The following PLAC9 variants were observed in gnomAD, a reference collection of about 807,000 sequenced individuals.
PLAC9 encodes placenta-specific protein 9.
Under a neutral mutation model 11.5 loss-of-function variants are expected in PLAC9, and 12 were observed. The ratio of observed to expected loss-of-function variants is 1.05; its 90% confidence interval spans 0.67 to 1.69. The LOEUF (loss-of-function observed/expected upper bound fraction) is 1.69, where lower values mean the gene tolerates loss of function less well. Among genes scored for constraint, PLAC9 ranks in the 40% most tolerant of loss-of-function variants. The probability of loss-of-function intolerance (pLI) is 0.00; values close to 1 mark genes in which losing one functional copy is unlikely to be tolerated. For synonymous variants in PLAC9, 62 were observed against 58.1 expected, an observed-to-expected ratio of 1.07 and a Z score of -0.31; for missense variants, 132 against 130.5, an observed-to-expected ratio of 1.01 and a Z score of -0.06.
At chr10:80,136,133 T>G (rs1299137411) in intron 1 of PLAC9, among the ~76,000 whole-genome samples, 1 of 152,164 alleles carries the variant, frequency 6.6e-6, no homozygotes, top group Non-Finnish European at 1.5e-5. Flanking sequence ...TCTCTTTAAC[T>G]GGGGCAGCCA....
intron 1 of PLAC9, among the ~76,000 whole-genome samples, chr10:80,133,993 G>T (rs1162851346): frequency 1.3e-5 from 2 of 150,398 alleles, no homozygotes; most frequent in Admixed American, 1.3e-4. Flanking sequence ...TCATGTATTA[G>T]TGTAATTTCA....
chr10:80,132,016 G>GTCCC (rs1247195610), upstream of PLAC9, among the ~76,000 whole-genome samples: 2 of 152,228 alleles, frequency 1.3e-5, no homozygotes, highest in Non-Finnish European at 2.9e-5. Context: ...GGATGGGCAT[G>GTCCC]TCCCATAGGG....
intron 1 of PLAC9, among the ~76,000 whole-genome samples, chr10:80,136,248 C>G (rs1189616800): frequency 6.6e-6 from 1 of 152,134 alleles, no homozygotes; most frequent in Non-Finnish European, 1.5e-5. Flanking sequence ...ACATCAGGCC[C>G]CTAGCAGGAG....
intron 1 of PLAC9, 61 bp downstream of exon 1, chr10:80,132,887 G>T (rs1189831510): frequency 7.3e-7 from 1 of 1,376,074 alleles, no homozygotes; most frequent in Non-Finnish European, 9.6e-7. Context: ...AGATGGCGAG[G>T]AAGGAATGAG....
At chr10:80,144,460 C>G in intron 3 of PLAC9, 117 bp downstream of exon 3, 1 of 1,340,546 alleles carries the variant, frequency 7.5e-7, no homozygotes, top group Non-Finnish European at 9.9e-7. Flanking sequence ...AGGGAGGGCC[C>G]CAGCGCTCCC....
chr10:80,144,259 G>A lies in PLAC9; in HGVS notation c.199G>A (p.Val67Met), dbSNP rs772888142. Reference sequence around the variant, plus strand: ...GACCGTGGATCACCTGGGGACAGAGGTGAAAGGCCTGCTGGGCCTGCTGGA... The same window carrying A: ...GACCGTGGATCACCTGGGGACAGAGATGAAAGGCCTGCTGGGCCTGCTGGA... ...EKTVDHLGTEVKGLLGLLEEL... is the reference protein window; with the variant it reads ...EKTVDHLGTEMKGLLGLLEEL... Residue 67 changes from valine (V) to methionine (M), a missense_variant, in exon 3 of 4, where the codon GTG (valine) becomes ATG (methionine). Coordinates refer to ENST00000372263, the MANE Select transcript of PLAC9 (RefSeq NM_001012973.3). The A allele has an allele frequency of 1.9e-6, 3 of 1,614,114 alleles. No individual in the cohort carries two copies. In the South Asian group the frequency reaches 3.3e-5, roughly 18 times the overall value.
intron 1 of PLAC9, among the ~76,000 whole-genome samples, chr10:80,136,615 G>A (rs773250213): frequency 6.6e-6 from 1 of 152,006 alleles, no homozygotes; most frequent in Non-Finnish European, 1.5e-5. Flanking sequence ...GAGACTACAA[G>A]TATATACCAC....
chr10:80,135,603 T>G (rs552586631), intron 1 of PLAC9, among the ~76,000 whole-genome samples: 3 of 152,114 alleles, frequency 2.0e-5, no homozygotes. Context: ...CCTCCCAAAG[T>G]GCTGGGATTA....
intron 2 of PLAC9, 120 bp from the exon 3 acceptor site, chr10:80,144,103 A>G: frequency 4.2e-6 from 6 of 1,422,834 alleles, no homozygotes; most frequent in Non-Finnish European, 5.9e-6. Flanking sequence ...CAGGTCACTT[A>G]GCGCCCAGTC....
intron 3 of PLAC9, 115 bp from the exon 4 acceptor site, chr10:80,144,785 G>A (rs758534666): frequency 3.2e-5 from 34 of 1,071,580 alleles, no homozygotes; most frequent in African/African-American, 2.9e-4. Context: ...CTTGTGTCCC[G>A]CGCGCAGTAG....
chr10:80,135,970 T>C (rs1589403304), intron 1 of PLAC9, among the ~76,000 whole-genome samples: 1 of 152,204 alleles, frequency 6.6e-6, no homozygotes, highest in African/African-American at 2.4e-5. Flanking sequence ...CAGATGCCAC[T>C]GAGAAAACAT....
Position 80,132,812 on chromosome 10 carries a change from C to A in PLAC9, c.50C>A (p.Ala17Glu). The change falls in exon 1 of 4, where the codon GCG becomes GAG. Residue 17 changes from alanine to glutamate, a missense_variant. Coordinates refer to ENST00000372263, the MANE Select transcript of PLAC9 (RefSeq NM_001012973.3). The part of the protein sequence containing the change: ...ALTGLALLRA[A>E]GSLAAAEPFS... ...ACCGGACTGGCCCTGCTCCGCGCCGCGGGCTCTTTGGCCGGTGAGTGGGGC... is the reference window on the plus strand; with the variant it reads ...ACCGGACTGGCCCTGCTCCGCGCCGAGGGCTCTTTGGCCGGTGAGTGGGGC... 6.7e-7 allele frequency: 1 copy of A among 1,497,212 alleles called. No individual in the cohort carries two copies. The highest frequency in any genetic ancestry group is 2.2e-5 in the Admixed American group (1 of 46,212). 92.7% of individuals were successfully genotyped at this position (1,497,212 alleles called of 1,614,324 possible).
chr10:80,144,611 G>A (rs930866761), intron 3 of PLAC9, among the ~76,000 whole-genome samples: 1 of 151,934 alleles, frequency 6.6e-6, no homozygotes, highest in African/African-American at 2.4e-5. Flanking sequence ...CCCCTGCGCG[G>A]AGAAACTGCC....
At chr10:80,136,872 C>G (rs7094717) in intron 1 of PLAC9, among the ~76,000 whole-genome samples, 21,561 of 152,050 alleles carry the variant, frequency 0.14, 2,804 homozygotes, top group African/African-American at 0.35. Context: ...ATTAAGGATG[C>G]GCTACACGGG....
chr10:80,140,562 T>G (rs1281172176), intron 1 of PLAC9, among the ~76,000 whole-genome samples: 1 of 152,204 alleles, frequency 6.6e-6, no homozygotes, highest in Non-Finnish European at 1.5e-5. Context: ...AGTGTCAGCG[T>G]TCTCCAAGGT....
intron 1 of PLAC9, among the ~76,000 whole-genome samples, chr10:80,135,389 G>A (rs1233988340): frequency 3.6e-5 from 5 of 140,094 alleles, no homozygotes; most frequent in Admixed American, 2.3e-4. Flanking sequence ...GCAGTGGTGC[G>A]ATCTCAGCTC....
At position 80,145,122 on chromosome 10, in the gene PLAC9, G is replaced by A. The variant is rs1341445836; in HGVS notation, c.*212G>A. On this transcript the variant is annotated 3_prime_UTR_variant, in exon 4 of 4. Transcript: ENST00000372263. ...GGAGGAAGCCTGCAACCCCCTCCAGGCTCAGACCTGGGGACACCCCCACTC... is the reference window on the plus strand; with the variant it reads ...GGAGGAAGCCTGCAACCCCCTCCAGACTCAGACCTGGGGACACCCCCACTC... The A allele has an allele frequency of 2.8e-6, 2 of 707,692 alleles. No individual in the cohort carries two copies. Among genetic ancestry groups the A allele is most frequent in the Non-Finnish European group, 5.0e-6 (2 of 398,964 alleles). The allele number at this position is 707,692 out of a possible 1,614,324, so 43.8% of individuals were successfully genotyped here.
At position 80,145,135 on chromosome 10, in the gene PLAC9, G is replaced by C. The variant is rs1338805208; in HGVS notation, c.*225G>C. 4.4e-6 allele frequency: 3 copies of C among 684,922 alleles called. No homozygotes were observed. The highest frequency in any genetic ancestry group is 1.8e-5 in the African/African-American group (1 of 55,626). The allele number at this position is 684,922 out of a possible 1,614,324, so 42.4% of individuals were successfully genotyped here. A position where few individuals can be genotyped will look rare whatever the true frequency, so the allele number is the denominator to read the frequency against. Reference sequence around the variant, plus strand: ...AACCCCCTCCAGGCTCAGACCTGGGGACACCCCCACTCCTGTCATTTATAG... The same window carrying C: ...AACCCCCTCCAGGCTCAGACCTGGGCACACCCCCACTCCTGTCATTTATAG... On this transcript the variant is annotated 3_prime_UTR_variant, in exon 4 of 4. Transcript: ENST00000372263.
intron 1 of PLAC9, among the ~76,000 whole-genome samples, chr10:80,134,431 T>C (rs543581293): frequency 4.6e-5 from 7 of 152,074 alleles, no homozygotes; most frequent in Non-Finnish European, 8.8e-5. Flanking sequence ...ACCTGACTAA[T>C]TTTGGTATTT....
Sources: gnomAD v4.1 joint callset for allele counts (sites outside exome capture counted in the v4.1 genomes callset) on GRCh38, gnomAD v4.1.1 for gene constraint, MANE v1.5 for transcripts, NCBI Gene and HGNC (gene_info 2026-07-23, HGNC 2026-07-21) for gene names.